SULF1: variants seen among roughly 807,000 people sequenced by gnomAD.
SULF1 encodes sulfatase 1, also known as extracellular sulfatase Sulf-1.
In SULF1, 46 loss-of-function variants were observed where a neutral mutation model predicts 110.5. That is an observed-to-expected ratio of 0.42 (90% CI 0.33 to 0.53). SULF1 has a LOEUF of 0.53. Among genes scored for constraint, SULF1 ranks in the 20% least tolerant of loss-of-function variants. The probability of loss-of-function intolerance (pLI) is 0.12; values close to 1 mark genes in which losing one functional copy is unlikely to be tolerated. For missense variants in SULF1, 941 were observed against 1,094.2 expected, an observed-to-expected ratio of 0.86 and a Z score of 1.98; for synonymous variants, 371 against 387.1, an observed-to-expected ratio of 0.96 and a Z score of 0.49.
intron 3 of SULF1, among the ~76,000 whole-genome samples, chr8:69,535,915 G>T (rs1425273545): frequency 9.9e-5 from 15 of 151,950 alleles, no homozygotes; most frequent in Admixed American, 7.2e-4. Flanking sequence ...CTACTCAGGA[G>T]ACTGAGGCAG....
At chr8:69,604,689 G>A in intron 12 of SULF1, 114 bp from the exon 13 acceptor site, 1 of 1,344,354 alleles carries the variant, frequency 7.4e-7, no homozygotes, top group Non-Finnish European at 1.0e-6. Context: ...TCTATTTCTT[G>A]CTGTTTAAAG....
chr8:69,654,672 T>C (rs935941287), intron 22 of SULF1, among the ~76,000 whole-genome samples: 1 of 152,180 alleles, frequency 6.6e-6, no homozygotes, highest in African/African-American at 2.4e-5. Context: ...CACACCGGCA[T>C]CCTCTCCTGC....
chr8:69,569,790 G>A (rs1266019371), intron 5 of SULF1, among the ~76,000 whole-genome samples: 2 of 152,072 alleles, frequency 1.3e-5, no homozygotes, highest in Admixed American at 6.6e-5. Flanking sequence ...TAGTGATCTG[G>A]AAACATTCCA....
intron 15 of SULF1, 134 bp from the exon 16 acceptor site, chr8:69,627,076 C>A: frequency 1.5e-6 from 1 of 660,050 alleles, no homozygotes; most frequent in East Asian, 2.9e-5. Flanking sequence ...TGATGCTGGT[C>A]TTGGATCAGC....
chr8:69,476,516 G>A (rs911122640), intron 1 of SULF1, among the ~76,000 whole-genome samples: 26 of 152,196 alleles, frequency 1.7e-4, no homozygotes, highest in African/African-American at 6.3e-4. Flanking sequence ...AGCAAAATCT[G>A]GAACTGAAAT....
chr8:69,545,108 A>G (rs987713090), intron 3 of SULF1, among the ~76,000 whole-genome samples: 6 of 118,642 alleles, frequency 5.1e-5, no homozygotes, highest in East Asian at 2.4e-4. Context: ...TTTCATTTCT[A>G]TGGCTCATGA....
At chr8:69,610,822 A>G (rs1475280710) in intron 13 of SULF1, among the ~76,000 whole-genome samples, 1 of 152,148 alleles carries the variant, frequency 6.6e-6, no homozygotes, top group Non-Finnish European at 1.5e-5. Flanking sequence ...GTCCTCCTCT[A>G]TGTTTCTTAA....
intron 3 of SULF1, among the ~76,000 whole-genome samples, chr8:69,523,603 T>A (rs1172976974): frequency 6.6e-6 from 1 of 151,412 alleles, no homozygotes; most frequent in Non-Finnish European, 1.5e-5. Flanking sequence ...CAAGCAAGGA[T>A]GGTGAAGTGA....
chr8:69,572,365 T>C (rs1244950966), intron 5 of SULF1, among the ~76,000 whole-genome samples: 5 of 152,198 alleles, frequency 3.3e-5, no homozygotes, highest in African/African-American at 1.2e-4. Context: ...TTATCTGTGA[T>C]ATAGGAATAA....
At chr8:69,642,889 C>CA (rs764273727) in intron 22 of SULF1, among the ~76,000 whole-genome samples, 2 of 152,198 alleles carry the variant, frequency 1.3e-5, no homozygotes, top group Non-Finnish European at 2.9e-5. Context: ...TCCCTGCCAC[C>CA]ACCACTCAAT....
intron 19 of SULF1, among the ~76,000 whole-genome samples, chr8:69,635,657 A>G (rs1213054779): frequency 6.6e-6 from 1 of 152,082 alleles, no homozygotes; most frequent in Non-Finnish European, 1.5e-5. Flanking sequence ...AGATCGCTTG[A>G]GTGTCGGAGT....
At chr8:69,613,767 C>G (rs1586552287) in intron 13 of SULF1, among the ~76,000 whole-genome samples, 1 of 152,092 alleles carries the variant, frequency 6.6e-6, no homozygotes, top group East Asian at 1.9e-4. Context: ...ATTGGATAAA[C>G]TTTTTAAAGG....
intron 3 of SULF1, among the ~76,000 whole-genome samples, chr8:69,533,497 T>C (rs1813242169): frequency 6.6e-6 from 1 of 152,122 alleles, no homozygotes; most frequent in Admixed American, 6.5e-5. Flanking sequence ...AGTGAGAACA[T>C]GTGGTATTTG....
chr8:69,524,952 C>T (rs1317782078), intron 3 of SULF1, among the ~76,000 whole-genome samples: 4 of 152,172 alleles, frequency 2.6e-5, no homozygotes, highest in Admixed American at 2.6e-4. Context: ...GAGCTTAAAT[C>T]TCTGAAGGGC....
At chr8:69,603,148 C>T (rs1233060892) in intron 10 of SULF1, 44 bp from the exon 11 acceptor site, 41 of 1,610,010 alleles carry the variant, frequency 2.5e-5, no homozygotes, top group Non-Finnish European at 3.1e-5. Context: ...GTGCCACCTT[C>T]CCCTGGCATT....
intron 13 of SULF1, among the ~76,000 whole-genome samples, chr8:69,616,665 G>A (rs1809166944): frequency 6.7e-6 from 1 of 149,572 alleles, no homozygotes; most frequent in South Asian, 2.1e-4. Context: ...GCCTCCCAAA[G>A]TGCTGAAATT....
intron 13 of SULF1, among the ~76,000 whole-genome samples, chr8:69,606,950 A>G (rs954317110): frequency 2.1e-4 from 32 of 152,210 alleles, no homozygotes; most frequent in African/African-American, 7.5e-4. Context: ...ATTTCTTTCT[A>G]TAGAATTTCT....
chr8:69,629,467 T>C, intron 18 of SULF1, 37 bp from the exon 19 acceptor site: 1 of 1,578,266 alleles, frequency 6.3e-7, no homozygotes, highest in Non-Finnish European at 8.6e-7. Flanking sequence ...AGAAAGTGCC[T>C]TCTGAACACT....
In SULF1 at chr8:69,629,666, C is replaced by A. The variant is rs771223295; in HGVS notation, c.2271C>A (p.Ala757=). The A allele has an allele frequency of 5.6e-6, 9 of 1,609,262 alleles. No homozygotes were observed. In the South Asian group the frequency reaches 1.0e-4, roughly 18 times the overall value. The part of the protein sequence containing the change: ...FTHDNNHWQT[A]PFWNLGSFCA... ...ATGACAACAACCACTGGCAGACAGCCCCGTTCTGGAACCGTAAGTTGCTTG... is the reference window on the plus strand; with the variant it reads ...ATGACAACAACCACTGGCAGACAGCACCGTTCTGGAACCGTAAGTTGCTTG... The change falls in exon 19 of 23, where the codon GCC becomes GCA. Residue 757 remains alanine, a synonymous_variant. Transcript: ENST00000402687.
Sources: gnomAD v4.1 joint callset for allele counts (sites outside exome capture counted in the v4.1 genomes callset) on GRCh38, gnomAD v4.1.1 for gene constraint, MANE v1.5 for transcripts, NCBI Gene and HGNC (gene_info 2026-07-23, HGNC 2026-07-21) for gene names.